Variants in NSMCE2 observed in about 807,000 individuals in gnomAD.
NSMCE2 encodes the protein NSE2 SUMO ligase component of SMC5/6 complex.
Under a neutral mutation model 23.8 loss-of-function variants are expected in NSMCE2, and 24 were observed. The observed-to-expected ratio is 1.01, with a 90% CI of 0.73 to 1.42. The LOEUF is 1.42. Ranked by LOEUF, NSMCE2 falls within the 40% of genes most tolerant of loss-of-function variation. NSMCE2 has a pLI of 0.00. For missense variants in NSMCE2, 284 were observed against 296.5 expected, an observed-to-expected ratio of 0.96 and a Z score of 0.31; for synonymous variants, 92 against 94.1, an observed-to-expected ratio of 0.98 and a Z score of 0.13.
intron 3 of NSMCE2, among the ~76,000 whole-genome samples, chr8:125,148,563 T>C (rs150629152): frequency 1.2e-3 from 184 of 152,320 alleles, no homozygotes; most frequent in Middle Eastern, 3.4e-3. Flanking sequence ...ACAGATACTT[T>C]AGTGAGTGCC....
chr8:125,328,631 A>T (rs1370356207), intron 5 of NSMCE2, among the ~76,000 whole-genome samples: 1 of 152,178 alleles, frequency 6.6e-6, no homozygotes, highest in Non-Finnish European at 1.5e-5. Flanking sequence ...TCTCCACATG[A>T]TTCACAGGCT....
chr8:125,252,390 G>GCA (rs1433650333), intron 5 of NSMCE2, among the ~76,000 whole-genome samples: 6 of 152,254 alleles, frequency 3.9e-5, no homozygotes, highest in Non-Finnish European at 8.8e-5. Flanking sequence ...AGCTGGATGT[G>GCA]GTGGTGGGTG....
In NSMCE2 at chr8:125,102,490, A is replaced by G. The variant is rs1461817193; in HGVS notation, c.157+3A>G. On this transcript the variant is annotated splice_donor_region_variant and intron_variant, in intron 3 of 7. Transcript: ENST00000287437. ...TTTGGATCTTGTGGAAAGTCAGAGTAAGTAAAATTAAAACCTCTTTTGTGT... is the reference window on the plus strand; with the variant it reads ...TTTGGATCTTGTGGAAAGTCAGAGTGAGTAAAATTAAAACCTCTTTTGTGT... The G allele has an allele frequency of 6.2e-7, 1 of 1,612,334 alleles. No individual in the cohort carries two copies. Among genetic ancestry groups the G allele is most frequent in the Non-Finnish European group, 8.5e-7 (1 of 1,178,554 alleles).
chr8:125,199,385 G>T (rs1277730305), intron 5 of NSMCE2, among the ~76,000 whole-genome samples: 17 of 152,118 alleles, frequency 1.1e-4, no homozygotes, highest in Non-Finnish European at 1.9e-4. Flanking sequence ...TTGTATCTTT[G>T]TTCTCATTGG....
At chr8:125,337,065 T>C (rs1005281338) in intron 5 of NSMCE2, among the ~76,000 whole-genome samples, 6 of 152,242 alleles carry the variant, frequency 3.9e-5, no homozygotes, top group Non-Finnish European at 8.8e-5. Flanking sequence ...TTGCAACTAA[T>C]GGTAGAGGTC....
At chr8:125,151,987 C>T (rs1219904625) in intron 4 of NSMCE2, among the ~76,000 whole-genome samples, 1 of 152,154 alleles carries the variant, frequency 6.6e-6, no homozygotes, top group Non-Finnish European at 1.5e-5. Context: ...TCGTTATTTG[C>T]CTTTTCTTAC....
chr8:125,366,685 C>A, intron 7 of NSMCE2, 83 bp from the exon 8 acceptor site: 1 of 783,360 alleles, frequency 1.3e-6, no homozygotes, highest in Non-Finnish European at 2.2e-6. Flanking sequence ...CAGTAAAATG[C>A]CTTACTTAAA....
intron 3 of NSMCE2, among the ~76,000 whole-genome samples, chr8:125,130,026 G>A (rs1177015929): frequency 6.6e-6 from 1 of 152,032 alleles, no homozygotes; most frequent in Non-Finnish European, 1.5e-5. Context: ...AAAGAACGTT[G>A]TCTGGGATCC....
intron 7 of NSMCE2, among the ~76,000 whole-genome samples, 195 bp from the exon 8 acceptor site, chr8:125,366,573 C>T (rs1586827990): frequency 1.3e-5 from 2 of 152,084 alleles, no homozygotes; most frequent in African/African-American, 2.4e-5. Flanking sequence ...ACTCACATAT[C>T]GCTTGTGTCC....
At chr8:125,152,844 G>A (rs1278513999) in intron 4 of NSMCE2, among the ~76,000 whole-genome samples, 2 of 151,954 alleles carry the variant, frequency 1.3e-5, no homozygotes, top group South Asian at 2.1e-4. Flanking sequence ...GATCACCTGA[G>A]GTCAGGAGTT....
intron 5 of NSMCE2, among the ~76,000 whole-genome samples, chr8:125,277,736 G>A (rs1170044214): frequency 2.0e-5 from 3 of 152,050 alleles, no homozygotes; most frequent in Admixed American, 6.5e-5. Flanking sequence ...GGATGGTCTC[G>A]ATCTCCTGAC....
At chr8:125,107,574 G>A (rs1441571111) in intron 3 of NSMCE2, among the ~76,000 whole-genome samples, 1 of 152,140 alleles carries the variant, frequency 6.6e-6, no homozygotes, top group Admixed American at 6.5e-5. Context: ...CTATTAGAGT[G>A]CAACAGTTTG....
chr8:125,197,918 G>A lies in NSMCE2; in HGVS notation c.418+15662G>A, dbSNP rs148621680. Among the ~76,000 whole-genome samples, 1,484 of 152,294 alleles carry A rather than the reference G, an allele frequency of 9.7e-3. 60 individuals carry two copies. The highest frequency in any genetic ancestry group is 0.077 in the Admixed American group (1,176 of 15,288). On this transcript the variant is annotated intron_variant, in intron 5 of 7. Coordinates refer to ENST00000287437, the MANE Select transcript of NSMCE2 (RefSeq NM_173685.4). ...AAGAGGCCCTTCACATCCCTTGCAA[G>A]TTGGATTCCTAGGTATTTTATTCTT...
intron 3 of NSMCE2, among the ~76,000 whole-genome samples, chr8:125,123,877 T>C (rs184404115): frequency 6.6e-6 from 1 of 152,354 alleles, no homozygotes; most frequent in Admixed American, 6.5e-5. Context: ...TTTTTTATTC[T>C]TTTATTTGGT....
At chr8:125,288,182 G>C (rs1251833145) in intron 5 of NSMCE2, among the ~76,000 whole-genome samples, 1 of 151,930 alleles carries the variant, frequency 6.6e-6, no homozygotes, top group Non-Finnish European at 1.5e-5. Context: ...CTTTTCTTTT[G>C]TCATTTCATT....
chr8:125,280,336 G>T (rs1271495307), intron 5 of NSMCE2, among the ~76,000 whole-genome samples: 1 of 152,102 alleles, frequency 6.6e-6, no homozygotes, highest in African/African-American at 2.4e-5. Context: ...TTCAGCAACT[G>T]AATTTGATTT....
chr8:125,330,502 TGAA>T (rs1255579660), intron 5 of NSMCE2, among the ~76,000 whole-genome samples: 2 of 151,914 alleles, frequency 1.3e-5, no homozygotes, highest in African/African-American at 2.4e-5. Context: ...GGACACACCA[TGAA>T]GAAGTGTGGA....
chr8:125,355,699 CAAAAA>C (rs140692089), intron 5 of NSMCE2, among the ~76,000 whole-genome samples: 1 of 46,758 alleles, frequency 2.1e-5, no homozygotes, highest in African/African-American at 8.1e-5. Context: ...GACTCCATCT[CAAAAA>C]AAAAAAAAAA....
chr8:125,240,117 A>C (rs1207804167), intron 5 of NSMCE2, among the ~76,000 whole-genome samples: 1 of 142,440 alleles, frequency 7.0e-6, no homozygotes, highest in African/African-American at 2.8e-5. Flanking sequence ...TGAAGTGTGC[A>C]GTTTTTCTTT....
Sources: allele counts gnomAD v4.1 joint callset (sites outside exome capture counted in the v4.1 genomes callset), GRCh38; gene constraint gnomAD v4.1.1; transcripts MANE v1.5; gene names NCBI Gene and HGNC (gene_info 2026-07-23, HGNC 2026-07-21).